SEPTIN11: variants seen among roughly 807,000 people sequenced by gnomAD.
SEPTIN11 encodes septin-11.
Under a neutral mutation model 51.4 loss-of-function variants are expected in SEPTIN11, and 25 were observed. That is an observed-to-expected ratio of 0.49 (90% CI 0.35 to 0.68). The LOEUF (loss-of-function observed/expected upper bound fraction) is 0.68. SEPTIN11 is among the 30% of genes least tolerant of loss of function. The pLI, the probability that SEPTIN11 is intolerant of heterozygous loss-of-function variation, is 0.00. For synonymous variants in SEPTIN11, 174 were observed against 184.1 expected, an observed-to-expected ratio of 0.95 and a Z score of 0.44; for missense variants, 381 against 520.8, an observed-to-expected ratio of 0.73 and a Z score of 2.61.
chr4:76,989,576 A>C (rs1723238952), intron 1 of SEPTIN11, among the ~76,000 whole-genome samples: 1 of 152,182 alleles, frequency 6.6e-6, no homozygotes. Flanking sequence ...CCATCTGGGC[A>C]CACCGAGCTT....
intron 8 of SEPTIN11, among the ~76,000 whole-genome samples, 156 bp from the exon 9 acceptor site, chr4:77,030,627 C>T (rs1490431647): frequency 3.3e-5 from 5 of 152,096 alleles, no homozygotes; most frequent in Non-Finnish European, 7.4e-5. Context: ...GAACTCCTGA[C>T]CTCGTGATCC....
intron 7 of SEPTIN11, among the ~76,000 whole-genome samples, chr4:77,022,433 T>A (rs575808552): frequency 2.6e-4 from 39 of 150,488 alleles, no homozygotes; most frequent in East Asian, 1.7e-3. Flanking sequence ...TAAAAAAAAA[T>A]TTTTTTCCAT....
chr4:77,011,771 C>T lies in SEPTIN11; in HGVS notation c.375C>T (p.Phe125=), dbSNP rs779262291. The stretch of plus-strand genomic sequence containing the variant: ...TAGTAGAATATATTGATGCCCAGTT[C>T]GAGGCCTACCTGCAAGAGGAATTGA... ...KPIVEYIDAQ[F]EAYLQEELKI... is the part of the protein sequence containing the mutation. Residue 125 remains phenylalanine, a synonymous_variant, in exon 4 of 10, where the codon TTC becomes TTT. Transcript: ENST00000264893. 10 of 1,613,934 alleles carry T rather than the reference C, an allele frequency of 6.2e-6. No homozygotes were observed. Among genetic ancestry groups the T allele is most frequent in the East Asian group, 2.2e-5 (1 of 44,884 alleles).
chr4:76,977,654 G>A (rs1722564990), intron 1 of SEPTIN11, among the ~76,000 whole-genome samples: 1 of 151,422 alleles, frequency 6.6e-6, no homozygotes, highest in Non-Finnish European at 1.5e-5. Context: ...ACCAGGTAAT[G>A]AGCATTTTTA....
At chr4:76,994,881 T>G (rs1723583245) in intron 1 of SEPTIN11, among the ~76,000 whole-genome samples, 1 of 142,822 alleles carries the variant, frequency 7.0e-6, no homozygotes, top group African/African-American at 2.6e-5. Context: ...AAACATTGAC[T>G]AAGTGATCCT....
At chr4:76,971,618 A>G (rs548813398) in intron 1 of SEPTIN11, among the ~76,000 whole-genome samples, 1 of 152,318 alleles carries the variant, frequency 6.6e-6, no homozygotes, top group South Asian at 2.1e-4. Context: ...AAATCTTTCT[A>G]CGTATTGTGA....
chr4:76,950,609 G>A (rs1364496032), intron 1 of SEPTIN11, among the ~76,000 whole-genome samples: 2 of 152,184 alleles, frequency 1.3e-5, no homozygotes, highest in Admixed American at 1.3e-4. Flanking sequence ...ACGCGAGGAA[G>A]AGGAAGGGCG....
intron 1 of SEPTIN11, among the ~76,000 whole-genome samples, chr4:76,977,707 C>G (rs1722567294): frequency 6.7e-6 from 1 of 149,110 alleles, no homozygotes; most frequent in African/African-American, 2.5e-5. Context: ...GGGATGTCCT[C>G]TTATCCCAAA....
chr4:76,959,238 C>A, intron 1 of SEPTIN11: 1 of 183,740 alleles, frequency 5.4e-6, no homozygotes, highest in African/African-American at 2.4e-5. Flanking sequence ...CTGGACTGAG[C>A]TTGGACAAGA....
Position 77,005,612 on chromosome 4 carries a change from A to G in SEPTIN11, c.154A>G (p.Ile52Val), listed in dbSNP as rs1336926547. The change falls in exon 3 of 10, where the codon ATT becomes GTT. Residue 52 changes from isoleucine to valine, a missense_variant. Physicochemically the swap from Ile to Val is conservative, Grantham distance 29 (BLOSUM62 3). Around this residue, in one of 2 missense-constraint regions of SEPTIN11, gnomAD observed 184 missense variants for 207.7 expected, o/e 0.89. Coordinates refer to ENST00000264893, the MANE Select transcript of SEPTIN11 (RefSeq NM_018243.4). ...TTGTGGTTATGTAGGTGAGACAGGC[A>G]TTGGCAAATCCACGTTAATGGACAC... ...FNILCVGETG[I>V]GKSTLMDTLF... 6.2e-7 allele frequency: 1 copy of G among 1,613,578 alleles called. No homozygotes were observed. Among genetic ancestry groups the G allele is most frequent in the Admixed American group, 1.7e-5 (1 of 59,978 alleles).
At position 76,949,763 on chromosome 4, in the gene SEPTIN11, G is replaced by T; in HGVS notation, c.-141G>T. ...CGGCGGCGTGGGGGGAGCAGATGCCGCTGGCTGCCAGCGGGACGCCGGCGA... is the reference window on the plus strand; with the variant it reads ...CGGCGGCGTGGGGGGAGCAGATGCCTCTGGCTGCCAGCGGGACGCCGGCGA... On this transcript the variant is annotated 5_prime_UTR_variant, in exon 1 of 10. Coordinates refer to ENST00000264893, the MANE Select transcript of SEPTIN11 (RefSeq NM_018243.4). The T allele has an allele frequency of 1.2e-6, 1 of 853,986 alleles. No individual in the cohort carries two copies. The highest frequency in any genetic ancestry group is 1.7e-6 in the Non-Finnish European group (1 of 578,240). 52.9% of individuals were successfully genotyped at this position (853,986 alleles called of 1,614,324 possible).
intron 1 of SEPTIN11, among the ~76,000 whole-genome samples, chr4:76,983,415 C>T (rs1255130585): frequency 6.6e-6 from 1 of 152,080 alleles, no homozygotes; most frequent in East Asian, 1.9e-4. Flanking sequence ...TTGAGTCTGC[C>T]CACATCTGGA....
Position 77,034,692 on chromosome 4 carries a change from C to T in SEPTIN11, c.*180C>T, listed in dbSNP as rs1482165245. On this transcript the variant is annotated 3_prime_UTR_variant, in exon 10 of 10. Transcript: ENST00000264893. ...TGTTGGGTGGTAGAAAATGATAGAA[C>T]AAGGGAATAACCGCGAATGCTCTGT... 7 of 1,319,034 alleles carry T rather than the reference C, an allele frequency of 5.3e-6. No individual in the cohort carries two copies. The African/African-American group carries it at 9.2e-5, about 17-fold the overall frequency. The allele number at this position is 1,319,034 out of a possible 1,614,324, so 81.7% of individuals were successfully genotyped here.
Position 77,029,767 on chromosome 4 carries a change from T to TAC in SEPTIN11, c.1087-1002_1087-1001dup, listed in dbSNP as rs1382556066. ...AATACATAATGCATATATATATATA[T>TAC]ACACACACACACACATATATATACA... On this transcript the variant is annotated intron_variant, in intron 8 of 9. Transcript: ENST00000264893. 6.9e-3 allele frequency among the ~76,000 whole-genome samples: 1,046 copies of TAC among 151,016 alleles called. 12 individuals carry two copies. Among genetic ancestry groups the TAC allele is most frequent in the African/African-American group, 0.023 (944 of 41,098 alleles).
intron 1 of SEPTIN11, chr4:76,995,757 T>C (rs1019388861): frequency 9.0e-6 from 13 of 1,450,878 alleles, no homozygotes; most frequent in South Asian, 1.5e-5. Flanking sequence ...GATTTTAAAA[T>C]GTATGATAAC....
chr4:76,959,496 G>T (rs1721729480), intron 1 of SEPTIN11, among the ~76,000 whole-genome samples: 2 of 151,968 alleles, frequency 1.3e-5, no homozygotes, highest in South Asian at 4.2e-4. Context: ...TGATTCTTTG[G>T]GATGGAACTC....
chr4:77,006,524 C>T (rs1724485924), intron 3 of SEPTIN11, among the ~76,000 whole-genome samples: 2 of 152,118 alleles, frequency 1.3e-5, no homozygotes, highest in Admixed American at 1.3e-4. Flanking sequence ...TACATTCATT[C>T]TCAAAAGAAG....
chr4:77,030,109 A>G (rs1384770443), intron 8 of SEPTIN11, among the ~76,000 whole-genome samples: 1 of 152,112 alleles, frequency 6.6e-6, no homozygotes, highest in Non-Finnish European at 1.5e-5. Flanking sequence ...TACAAAAATT[A>G]GCTGGGTGTG....
At chr4:77,028,874 C>A in intron 8 of SEPTIN11, 113 bp downstream of exon 8, 2 of 1,164,796 alleles carry the variant, frequency 1.7e-6, no homozygotes, top group Non-Finnish European at 2.3e-6. Context: ...TGCATTTTGT[C>A]ACGAGTGACC....
Sources: gnomAD v4.1 joint callset for allele counts (sites outside exome capture counted in the v4.1 genomes callset) on GRCh38, gnomAD v4.1.1 for gene constraint, gnomAD v4.1.1 regional missense constraint, MANE v1.5 for transcripts, NCBI Gene and HGNC (gene_info 2026-07-23, HGNC 2026-07-21) for gene names.